Variants in MZB1 observed in about 807,000 individuals in gnomAD.
The protein encoded by MZB1 is marginal zone B- and B1-cell-specific protein.
Under a neutral mutation model 17.2 loss-of-function variants are expected in MZB1, and 10 were observed. The observed-to-expected ratio is 0.58, with a 90% CI of 0.36 to 0.98. The LOEUF is 0.98. MZB1 is among the 50% of genes least tolerant of loss of function. The probability of loss-of-function intolerance (pLI) is 0.01; values close to 1 mark genes in which losing one functional copy is unlikely to be tolerated. For missense variants in MZB1, 246 were observed against 237.5 expected (o/e 1.04, Z -0.23); for synonymous variants, 99 against 98.7 (o/e 1.00, Z -0.02).
chr5:139,389,575 T>C (rs1190354242), intron 1 of MZB1, 105 bp downstream of exon 1: 1 of 1,320,434 alleles, frequency 7.6e-7, no homozygotes, highest in Non-Finnish European at 1.0e-6. Flanking sequence ...TGCCCAGTGG[T>C]AGGGATTGGG....
rs1487192768 is a variant in MZB1 at position 139,389,894 on chromosome 5, T to G, written c.-38A>C. On this transcript the variant is annotated 5_prime_UTR_variant, in exon 1 of 4. Transcript: ENST00000302125. ...CAGTTCAGCAAGTGTAGTCTGTGGT[T>G]GAGGTGCAGATGTGTGTGTGCTTGT... 2 of 1,529,174 alleles carry G rather than the reference T, an allele frequency of 1.3e-6. No homozygotes were observed. Among genetic ancestry groups the G allele is most frequent in the Non-Finnish European group, 1.8e-6 (2 of 1,142,406 alleles). The allele number at this position is 1,529,174 out of a possible 1,614,324, so 94.7% of individuals were successfully genotyped here.
At chr5:139,388,684 GGCAAGAGA>G in intron 1 of MZB1, 99 bp from the exon 2 acceptor site, 1 of 1,515,942 alleles carries the variant, frequency 6.6e-7, no homozygotes, top group Non-Finnish European at 8.9e-7. Flanking sequence ...AAAATAAAGT[GGCAAGAGA>G]GCCGTTTGAG....
chr5:139,388,997 G>C (rs1424119535), intron 1 of MZB1: 1 of 200,504 alleles, frequency 5.0e-6, no homozygotes, highest in Non-Finnish European at 1.0e-5. Context: ...CAGCCTCCCA[G>C]GTAGCTGGGA....
At chr5:139,387,947 G>C in intron 3 of MZB1, 26 bp from the exon 4 acceptor site, 1 of 1,576,866 alleles carries the variant, frequency 6.3e-7, no homozygotes, top group Non-Finnish European at 8.6e-7. Context: ...AGGAGCCTCA[G>C]ATGCTGCCCA....
Position 139,387,718 on chromosome 5 carries a change from C to A in MZB1, c.*47G>T. On this transcript the variant is annotated 3_prime_UTR_variant, in exon 4 of 4. Transcript: ENST00000302125. ...GCTGCCTGCAGACGGGAGTGGAGAC[C>A]GTCAGAGCAAGCCCCAGCTTCTTTC... 6.8e-7 allele frequency: 1 copy of A among 1,480,522 alleles called. No homozygotes were observed. The highest frequency in any genetic ancestry group is 8.9e-7 in the Non-Finnish European group (1 of 1,119,106). 91.7% of individuals were successfully genotyped at this position (1,480,522 alleles called of 1,614,324 possible). A position where few individuals can be genotyped will look rare whatever the true frequency, so the allele number is the denominator to read the frequency against.
At chr5:139,389,608 G>A (rs755952465) in intron 1 of MZB1, 72 bp downstream of exon 1, 25 of 1,499,922 alleles carry the variant, frequency 1.7e-5, no homozygotes, top group Non-Finnish European at 2.3e-5. Context: ...GTGGTGGAAT[G>A]TGAGGTGGGT....
intron 1 of MZB1, chr5:139,389,135 G>T (rs1758565844): frequency 3.6e-6 from 1 of 275,926 alleles, no homozygotes; most frequent in South Asian, 3.2e-5. Context: ...GCCTCCCAAA[G>T]TGCTGGGATT....
chr5:139,388,420 C>G, intron 2 of MZB1, 41 bp downstream of exon 2: 1 of 1,495,988 alleles, frequency 6.7e-7, no homozygotes, highest in South Asian at 1.2e-5. Flanking sequence ...ACCAGGCCTG[C>G]CCTTGGAGGA....
Position 139,389,869 on chromosome 5 carries a change from C to T in MZB1, c.-13G>A. The T allele has an allele frequency of 6.5e-7, 1 of 1,540,144 alleles. No individual in the cohort carries two copies. ...GTGACAGCCTCATGGCCCCAGGAGC[C>T]AGTTCAGCAAGTGTAGTCTGTGGTT... On this transcript the variant is annotated 5_prime_UTR_variant, in exon 1 of 4. Transcript: ENST00000302125.
chr5:139,387,692 G>C lies in MZB1; in HGVS notation c.*73C>G, dbSNP rs1758537377. On this transcript the variant is annotated 3_prime_UTR_variant, in exon 4 of 4. Coordinates refer to ENST00000302125, the MANE Select transcript of MZB1 (RefSeq NM_016459.4). ...CAGAGCAAGGGCTTCCTGCCCTCCT[G>C]GCTGCCTGCAGACGGGAGTGGAGAC... The C allele has an allele frequency of 1.4e-6, 2 of 1,462,824 alleles. No individual in the cohort carries two copies. The highest frequency in any genetic ancestry group is 1.8e-6 in the Non-Finnish European group (2 of 1,108,840). The allele number at this position is 1,462,824 out of a possible 1,614,324, so 90.6% of individuals were successfully genotyped here.
At position 139,389,779 on chromosome 5, in the gene MZB1, T is replaced by TG; in HGVS notation, c.77dup (p.Leu27ThrfsTer10). On this transcript the variant is annotated frameshift_variant, in exon 1 of 4. Coordinates refer to ENST00000302125, the MANE Select transcript of MZB1 (RefSeq NM_016459.4). LOFTEE classifies it high-confidence loss of function. ...CCAGTTGTGGGGCTGTGGCTGTGAGTGGCGCCCTGTCCCCGAGGCCCCCTG... is the reference window on the plus strand; with the variant it reads ...CCAGTTGTGGGGCTGTGGCTGTGAGTGGGCGCCCTGTCCCCGAGGCCCCCTG... The TG allele has an allele frequency of 6.4e-7, 1 of 1,553,034 alleles. No individual in the cohort carries two copies. The highest frequency in any genetic ancestry group is 8.7e-7 in the Non-Finnish European group (1 of 1,148,156).
intron 1 of MZB1, chr5:139,389,182 A>G: frequency 9.9e-6 from 3 of 304,310 alleles, no homozygotes; most frequent in South Asian, 7.8e-5. Flanking sequence ...GGCACGTGCC[A>G]TTTTAAACCA....
chr5:139,388,347 C>G (rs878889870), intron 2 of MZB1, 114 bp downstream of exon 2: 1 of 1,277,458 alleles, frequency 7.8e-7, no homozygotes, highest in Non-Finnish European at 1.1e-6. Context: ...CAGCCCCTCC[C>G]TTGGACCAGA....
At chr5:139,389,178 T>A (rs1202528821) in intron 1 of MZB1, 1 of 297,278 alleles carries the variant, frequency 3.4e-6, no homozygotes, top group African/African-American at 2.2e-5. Context: ...GGCCGGCACG[T>A]GCCATTTTAA....
At chr5:139,388,272 C>T in intron 2 of MZB1, 141 bp from the exon 3 acceptor site, 12 of 1,064,204 alleles carry the variant, frequency 1.1e-5, no homozygotes, top group Non-Finnish European at 1.5e-5. Flanking sequence ...CACAAGGTGA[C>T]CTTGTCCACT....
Position 139,387,918 on chromosome 5 carries a change from G to C in MZB1, c.417C>G (p.Leu139=), listed in dbSNP as rs1246752564. The C allele has an allele frequency of 6.4e-7, 1 of 1,573,470 alleles. No homozygotes were observed. Among genetic ancestry groups the C allele is most frequent in the South Asian group, 1.2e-5 (1 of 84,118 alleles). Reference sequence around the variant, plus strand: ...CCAAGTAGTGCAAACATGTCCTGGAGAGCCTAGGGGAGCCCAGCAGGAGCC... The same window carrying C: ...CCAAGTAGTGCAAACATGTCCTGGACAGCCTAGGGGAGCCCAGCAGGAGCC... The part of the protein sequence containing the change: ...MVTGGPWPTR[L]SRTCLHYLGE... Residue 139 remains leucine, a synonymous_variant, in exon 4 of 4, where the codon CTC becomes CTG. Transcript: ENST00000302125.
rs141991748 is a variant in MZB1, at chr5:139,389,164, G to A, written c.177+516C>T. 299 of 291,116 alleles carry A rather than the reference G, an allele frequency of 1.0e-3. 1 individual carries two copies. The highest frequency in any genetic ancestry group is 6.3e-3 in the African/African-American group (284 of 44,770). The allele number at this position is 291,116 out of a possible 1,614,324, so 18.0% of individuals were successfully genotyped here. A position where few individuals can be genotyped will look rare whatever the true frequency, so the allele number is the denominator to read the frequency against. On this transcript the variant is annotated intron_variant, in intron 1 of 3. Transcript: ENST00000302125. ...TGGGATTACAGGCGTGAGCCACCGC[G>A]CCCGGCCGGCACGTGCCATTTTAAA...
At chr5:139,389,152 G>A (rs1758566155) in intron 1 of MZB1, 5 of 296,278 alleles carry the variant, frequency 1.7e-5, no homozygotes, top group South Asian at 1.1e-4. Flanking sequence ...GATTACAGGC[G>A]TGAGCCACCG....
At chr5:139,388,656 G>T in intron 1 of MZB1, 71 bp from the exon 2 acceptor site, 1 of 1,564,818 alleles carries the variant, frequency 6.4e-7, no homozygotes, top group Non-Finnish European at 8.7e-7. Flanking sequence ...GGGGAGGATA[G>T]GAGCAGAGTC....
Sources: gnomAD v4.1 joint callset for allele counts on GRCh38, gnomAD v4.1.1 for gene constraint, MANE v1.5 for transcripts, NCBI Gene and HGNC (gene_info 2026-07-23, HGNC 2026-07-21) for gene names.